The following HMCN2 variants were observed in gnomAD, a reference collection of about 807,000 sequenced individuals.
The protein encoded by HMCN2 is hemicentin 2.
HMCN2 carries 325 observed loss-of-function variants against 377.5 expected under a neutral mutation model. That is an observed-to-expected ratio of 0.86 (90% CI 0.79 to 0.94). HMCN2 has a LOEUF of 0.94. Among genes scored for constraint, HMCN2 ranks in the 40% least tolerant of loss-of-function variants. The probability of loss-of-function intolerance (pLI) is 0.00; values close to 1 mark genes in which losing one functional copy is unlikely to be tolerated. For synonymous variants in HMCN2, 2,007 were observed against 2,046.8 expected (o/e 0.98, Z 0.53); for missense variants, 4,543 against 4,725.3 (o/e 0.96, Z 1.13).
At chr9:130,362,416 A>G (rs372380486) in intron 39 of HMCN2, among the ~76,000 whole-genome samples, 4 of 152,246 alleles carry the variant, frequency 2.6e-5, no homozygotes, top group African/African-American at 9.6e-5. Flanking sequence ...GTAAAAAGAA[A>G]CAGGTGAGAT....
chr9:130,336,951 G>T (rs1838785800), intron 22 of HMCN2, among the ~76,000 whole-genome samples: 1 of 152,122 alleles, frequency 6.6e-6, no homozygotes, highest in African/African-American at 2.4e-5. Flanking sequence ...AAGCAAGGTG[G>T]GGGCCAGGCA....
intron 15 of HMCN2, among the ~76,000 whole-genome samples, chr9:130,316,246 G>C (rs1248760553): frequency 6.6e-6 from 1 of 152,210 alleles, no homozygotes; most frequent in African/African-American, 2.4e-5. Context: ...ACCCTGCGGT[G>C]GTGGGTGGTG....
chr9:130,406,386 C>A, intron 82 of HMCN2: 1 of 353,688 alleles, frequency 2.8e-6, no homozygotes, highest in South Asian at 2.1e-5. Context: ...AAGAGGCCAC[C>A]TGAGAAGACT....
At chr9:130,353,986 G>A (rs1319866847) in intron 31 of HMCN2, among the ~76,000 whole-genome samples, 1 of 152,132 alleles carries the variant, frequency 6.6e-6, no homozygotes, top group African/African-American at 2.4e-5. Flanking sequence ...GGGCAGCTGA[G>A]CTGCATGGGC....
rs1202410043 is a variant in HMCN2 at position 130,323,429 on chromosome 9, A to C, written c.2920+1498A>C. ...AGGGTGGGTGTGACACCTGTTTTTA[A>C]GCTCACTGTGTTCTGCAAACACTGC... On this transcript the variant is annotated intron_variant, in intron 19 of 97. Coordinates refer to ENST00000683500, the MANE Select transcript of HMCN2 (RefSeq NM_001291815.2). 3.3e-5 allele frequency among the ~76,000 whole-genome samples: 5 copies of C among 152,188 alleles called. No homozygotes were observed. The East Asian group carries it at 9.6e-4, about 29-fold the overall frequency.
Position 130,299,018 on chromosome 9 carries a change from T to G in HMCN2, c.1013-7T>G, listed in dbSNP as rs1836322243. On this transcript the variant is annotated splice_polypyrimidine_tract_variant and splice_region_variant and intron_variant, in intron 7 of 97. Coordinates refer to ENST00000683500, the MANE Select transcript of HMCN2 (RefSeq NM_001291815.2). ...CCAGCACTTTGTTCTTCACCTTCCC[T>G]CTGCAGGAGTCCCCATCTCCCTGGT... The G allele has an allele frequency of 2.1e-6, 1 of 467,234 alleles. No homozygotes were observed. The highest frequency in any genetic ancestry group is 1.6e-5 in the South Asian group (1 of 64,358). 28.9% of individuals were successfully genotyped at this position (467,234 alleles called of 1,614,324 possible).
At position 130,397,625 on chromosome 9, in the gene HMCN2, G is replaced by A. The variant is rs533291634; in HGVS notation, c.11296G>A (p.Asp3766Asn). 52 of 1,289,828 alleles carry A rather than the reference G, an allele frequency of 4.0e-5. No homozygotes were observed. The highest frequency in any genetic ancestry group is 7.4e-5 in the South Asian group (6 of 81,018). 79.9% of individuals were successfully genotyped at this position (1,289,828 alleles called of 1,614,324 possible). ...LCLASNSAGSDRQGRDLRVLE... is the reference protein window; with the variant it reads ...LCLASNSAGSNRQGRDLRVLE... Reference sequence around the variant, plus strand: ...CCTGGCATCCAACTCTGCTGGCTCCGATCGTCAAGGCCGTGACCTACGGGT... The same window carrying A: ...CCTGGCATCCAACTCTGCTGGCTCCAATCGTCAAGGCCGTGACCTACGGGT... Residue 3766 changes from aspartate (D) to asparagine (N), a missense_variant, in exon 74 of 98, where the codon GAT becomes AAT. Around this residue, in one of 5 missense-constraint regions of HMCN2, gnomAD observed 1,073 missense variants for 1,319.5 expected, o/e 0.81. Coordinates refer to ENST00000683500, the MANE Select transcript of HMCN2 (RefSeq NM_001291815.2).
intron 82 of HMCN2, chr9:130,406,387 T>A (rs1843094318): frequency 5.7e-6 from 2 of 353,556 alleles, no homozygotes. Context: ...AGAGGCCACC[T>A]GAGAAGACTC....
chr9:130,378,879 C>T (rs952432932), intron 53 of HMCN2, among the ~76,000 whole-genome samples: 5 of 152,244 alleles, frequency 3.3e-5, no homozygotes, highest in African/African-American at 7.2e-5. Context: ...GAGCAGGTGA[C>T]CTTGAGGGCC....
rs1840996051 is a variant in HMCN2, at chr9:130,371,109, G to A, written c.7215G>A (p.Gly2405=). The A allele has an allele frequency of 2.0e-6, 2 of 985,846 alleles. No homozygotes were observed. The highest frequency in any genetic ancestry group is 2.4e-6 in the Non-Finnish European group (2 of 830,046). 61.1% of individuals were successfully genotyped at this position (985,846 alleles called of 1,614,324 possible). Residue 2405 remains glycine (G), a synonymous_variant, in exon 46 of 98, where the codon GGG becomes GGA. Coordinates refer to ENST00000683500, the MANE Select transcript of HMCN2 (RefSeq NM_001291815.2). ...WFRGEEPVSP[G]EDTYLLAGGW... ...GAGGGGAGGAGCCTGTCAGCCCCGG[G>A]GAGGACACCTACCTGCTGGCAGGTA...
In HMCN2 at chr9:130,418,970, C is replaced by A; in HGVS notation, c.13160C>A (p.Ala4387Glu). Residue 4387 changes from alanine to glutamate, a missense_variant, in exon 86 of 98, where the codon GCA (alanine) becomes GAA (glutamate). Coordinates refer to ENST00000683500, the MANE Select transcript of HMCN2 (RefSeq NM_001291815.2). ...LWLENVETGD[A>E]GTYDCVAHNL... is the part of the protein sequence containing the mutation. Reference sequence around the variant, plus strand: ...CTGGAGAACGTGGAGACTGGGGATGCAGGCACCTACGACTGCGTCGCTCAC... The same window carrying A: ...CTGGAGAACGTGGAGACTGGGGATGAAGGCACCTACGACTGCGTCGCTCAC... 6.6e-7 allele frequency: 1 copy of A among 1,526,268 alleles called. No homozygotes were observed. Among genetic ancestry groups the A allele is most frequent in the Admixed American group, 2.1e-5 (1 of 47,352 alleles). The allele number at this position is 1,526,268 out of a possible 1,614,324, so 94.5% of individuals were successfully genotyped here. A position where few individuals can be genotyped will look rare whatever the true frequency, so the allele number is the denominator to read the frequency against.
Position 130,423,223 on chromosome 9 carries a change from G to A in HMCN2, c.13381+497G>A, listed in dbSNP as rs923583655. Among the ~76,000 whole-genome samples, 1 of 152,168 alleles carries A rather than the reference G, an allele frequency of 6.6e-6. No individual in the cohort carries two copies. Among genetic ancestry groups the A allele is most frequent in the African/African-American group, 2.4e-5 (1 of 41,430 alleles). On this transcript the variant is annotated intron_variant, in intron 87 of 97. Coordinates refer to ENST00000683500, the MANE Select transcript of HMCN2 (RefSeq NM_001291815.2). This position sits in a 1 kb window ranked among gnomAD's most constrained non-coding sequence, Gnocchi z 5.5. ...ACCTGCACACAGAGCTCTCATGTACGGTGTCTGAGCGATGAATGCTCTGAG... is the reference window on the plus strand; with the variant it reads ...ACCTGCACACAGAGCTCTCATGTACAGTGTCTGAGCGATGAATGCTCTGAG...
chr9:130,358,310 C>T (rs1367907581), intron 35 of HMCN2, 80 bp from the exon 36 acceptor site: 28 of 1,295,774 alleles, frequency 2.2e-5, no homozygotes, highest in Admixed American at 2.1e-4. Context: ...CCCCCGGGCT[C>T]GGCAGCAGCC....
intron 89 of HMCN2, 26 bp from the exon 90 acceptor site, chr9:130,425,661 C>T: frequency 7.0e-7 from 1 of 1,435,962 alleles, no homozygotes; most frequent in Non-Finnish European, 9.6e-7. Context: ...ACCCCTCCTC[C>T]TCCTCCCCTC....
At chr9:130,365,755 G>A in intron 42 of HMCN2, 28 bp downstream of exon 42, 1 of 982,222 alleles carries the variant, frequency 1.0e-6, no homozygotes, top group Non-Finnish European at 1.2e-6. Flanking sequence ...TGGGCAGGGG[G>A]AGGGGGCTGC....
Position 130,425,894 on chromosome 9 carries a change from C to T in HMCN2, c.13849C>T (p.Arg4617Cys), listed in dbSNP as rs375352978. ...SAFDPEAEAL[R>C]FQLATALQAE... ...CTTTGATCCAGAGGCCGAGGCCCTG[C>T]GCTTCCAGCTCGCTACAGCCCTGCA... Residue 4617 changes from arginine to cysteine, a missense_variant, in exon 90 of 98, where the codon CGC becomes TGC. Arg to Cys is a radical substitution (Grantham distance 180). Transcript: ENST00000683500. 5.6e-5 allele frequency: 86 copies of T among 1,549,354 alleles called. No homozygotes were observed. The East Asian group carries it at 8.6e-4, about 15-fold the overall frequency.
chr9:130,292,018 CTTT>C (rs35195661), intron 4 of HMCN2, among the ~76,000 whole-genome samples: 3 of 142,628 alleles, frequency 2.1e-5, no homozygotes, highest in Non-Finnish European at 4.5e-5. Context: ...GTGGCATTCA[CTTT>C]TTTTTTTTTT....
intron 1 of HMCN2, among the ~76,000 whole-genome samples, chr9:130,275,031 C>T (rs1424939164): frequency 6.6e-6 from 1 of 152,346 alleles, no homozygotes; most frequent in South Asian, 2.1e-4. Flanking sequence ...CACCATCCAA[C>T]TGCCCTCAAA....
chr9:130,305,592 G>C (rs568424598), intron 11 of HMCN2, among the ~76,000 whole-genome samples: 47 of 152,326 alleles, frequency 3.1e-4, no homozygotes, highest in Admixed American at 1.9e-3. Context: ...CTATGTCTAG[G>C]CTCTGCAGGA....
Sources: allele counts gnomAD v4.1 joint callset (sites outside exome capture counted in the v4.1 genomes callset), GRCh38; gene constraint gnomAD v4.1.1; regional missense constraint gnomAD v4.1.1; non-coding constraint Gnocchi (gnomAD v3.1); transcripts MANE v1.5; gene names NCBI Gene and HGNC (gene_info 2026-07-23, HGNC 2026-07-21).